The following GPS2 variants were observed in gnomAD, a reference collection of about 807,000 sequenced individuals.
GPS2 encodes GPS-2.
A neutral mutation model predicts 48.1 loss-of-function variants in GPS2; 22 were observed. The ratio of observed to expected loss-of-function variants is 0.46; its 90% CI spans 0.33 to 0.65. GPS2 has a LOEUF of 0.65. Among genes scored for constraint, GPS2 ranks in the 30% least tolerant of loss-of-function variants. GPS2 has a pLI of 0.03. For synonymous variants in GPS2, 202 were observed against 142.5 expected (o/e 1.42, Z -2.98); for missense variants, 366 against 406.8 (o/e 0.90, Z 0.86).
At chr17:7,315,175 C>T in intron 1 of GPS2, 56 bp from the exon 2 acceptor site, 1 of 525,184 alleles carries the variant, frequency 1.9e-6, no homozygotes, top group Non-Finnish European at 3.0e-6. Context: ...GGAAGCCCGT[C>T]CGCCCGGCCC....
intron 1 of GPS2, 29 bp from the exon 2 acceptor site, chr17:7,315,148 C>T: frequency 1.2e-6 from 1 of 858,568 alleles, no homozygotes; most frequent in Non-Finnish European, 1.6e-6. Flanking sequence ...TCAGAGGGGG[C>T]CGCGCCCGGC....
chr17:7,315,112 G>C lies in GPS2; in HGVS notation c.-60C>G, dbSNP rs2072920721. On this transcript the variant is annotated 5_prime_UTR_variant, in exon 2 of 11. Transcript: ENST00000380728. Reference sequence around the variant, plus strand: ...GGCTGTCTCTGACTGCCAGACCTCAGACGGGGCCTGCGGGGAGGCGGGCGC... The same window carrying C: ...GGCTGTCTCTGACTGCCAGACCTCACACGGGGCCTGCGGGGAGGCGGGCGC... 3 of 1,364,074 alleles carry C rather than the reference G, an allele frequency of 2.2e-6. No individual in the cohort carries two copies. The African/African-American group carries it at 4.5e-5, about 21-fold the overall frequency. The allele number at this position is 1,364,074 out of a possible 1,614,324, so 84.5% of individuals were successfully genotyped here. A position where few individuals can be genotyped will look rare whatever the true frequency, so the allele number is the denominator to read the frequency against.
intron 10 of GPS2, 80 bp downstream of exon 10, chr17:7,312,949 G>T: frequency 6.9e-7 from 1 of 1,458,992 alleles, no homozygotes. Flanking sequence ...GATGATGTGG[G>T]CCACCTGTCC....
rs1275491734 is a variant in GPS2 at position 7,312,899 on chromosome 17, A to AC, written c.901-61dup. ...GGGCATACTCTCCCTTCCACTTAAT[A>AC]CCCTACTGATAACCACCCCCAAAGA... On this transcript the variant is annotated intron_variant, in intron 10 of 10. Coordinates refer to ENST00000380728, the MANE Select transcript of GPS2 (RefSeq NM_004489.5). 5.2e-6 allele frequency: 8 copies of AC among 1,526,020 alleles called. No individual in the cohort carries two copies. In the East Asian group the frequency reaches 1.8e-4, roughly 34 times the overall value. 94.5% of individuals were successfully genotyped at this position (1,526,020 alleles called of 1,614,324 possible). A position where few individuals can be genotyped will look rare whatever the true frequency, so the allele number is the denominator to read the frequency against.
chr17:7,314,809 C>T (rs1481830688), intron 2 of GPS2, 150 bp downstream of exon 2: 35 of 1,278,644 alleles, frequency 2.7e-5, no homozygotes, highest in Admixed American at 3.6e-5. Context: ...GAGCGTGGAA[C>T]AGGACGCTTA....
In GPS2 at chr17:7,312,840, C is replaced by A; in HGVS notation, c.901-1G>T. ...GTTGGCTGGTAGCTGCAAAGCCCGA[C>A]TGGTGGTGGTGATGAAAAGAGGGCT... On this transcript the variant is annotated splice_acceptor_variant, in intron 10 of 10. Transcript: ENST00000380728. LOFTEE classifies it high-confidence loss of function. The A allele has an allele frequency of 6.2e-7, 1 of 1,613,580 alleles. No individual in the cohort carries two copies. Among genetic ancestry groups the A allele is most frequent in the Non-Finnish European group, 8.5e-7 (1 of 1,179,588 alleles).
rs1371039040 is a variant in GPS2 at position 7,312,777 on chromosome 17, G to T, written c.963C>A (p.Asn321Lys). 1 of 1,614,006 alleles carries T rather than the reference G, an allele frequency of 6.2e-7. No homozygotes were observed. The highest frequency in any genetic ancestry group is 1.1e-5 in the South Asian group (1 of 91,086). The change falls in exon 11 of 11, where the codon AAC (asparagine) becomes AAA (lysine). Residue 321 changes from asparagine to lysine, a missense_variant. By Grantham distance (94) the Asn-to-Lys change is moderately conservative. Coordinates refer to ENST00000380728, the MANE Select transcript of GPS2 (RefSeq NM_004489.5). ...ATGGTCACTTGTGGTAGAATCGCGG[G>T]TTCTGGCTGTGTTGGATGAAGGGGA... ...PRLPFIQHSQ[N>K]PRFYHK is the part of the protein sequence containing the mutation.
At chr17:7,314,676 C>T in intron 2 of GPS2, 79 bp from the exon 3 acceptor site, 1 of 1,603,248 alleles carries the variant, frequency 6.2e-7, no homozygotes, top group South Asian at 1.1e-5. Context: ...CCAGCAAAAC[C>T]CAGTCATCCC....
At position 7,313,193 on chromosome 17, in the gene GPS2, C is replaced by T. The variant is rs747581834; in HGVS notation, c.804+19G>A. ...CTTAACATATCCCTAACCCTGACCT[C>T]CCAAGGTGCCATACTCACTGAGTCG... On this transcript the variant is annotated intron_variant, in intron 9 of 10. Coordinates refer to ENST00000380728, the MANE Select transcript of GPS2 (RefSeq NM_004489.5). 6.2e-7 allele frequency: 1 copy of T among 1,613,048 alleles called. No homozygotes were observed. Among genetic ancestry groups the T allele is most frequent in the South Asian group, 1.1e-5 (1 of 91,068 alleles).
rs1004186932 is a variant in GPS2 at position 7,315,316 on chromosome 17, G to A, written c.-68+15C>T. 8.4e-5 allele frequency: 32 copies of A among 381,948 alleles called. No individual in the cohort carries two copies. The highest frequency in any genetic ancestry group is 4.3e-4 in the South Asian group (3 of 6,920). 23.7% of individuals were successfully genotyped at this position (381,948 alleles called of 1,614,324 possible). ...CGCTCCCTGCCCAGCCAGCGCGGACGACTGCCCTTCCTACCCGCCTTCTCT... is the reference window on the plus strand; with the variant it reads ...CGCTCCCTGCCCAGCCAGCGCGGACAACTGCCCTTCCTACCCGCCTTCTCT... On this transcript the variant is annotated intron_variant, in intron 1 of 10. Transcript: ENST00000380728.
At position 7,313,551 on chromosome 17, in the gene GPS2, T is replaced by G; in HGVS notation, c.634+17A>C. ...TGACCTTGAGGAAGGCCAAGCCCCA[T>G]CCCTCCTATTACTCACCTCTGAGCT... On this transcript the variant is annotated intron_variant, in intron 7 of 10. Transcript: ENST00000380728. 6.2e-7 allele frequency: 1 copy of G among 1,613,374 alleles called. No homozygotes were observed. The highest frequency in any genetic ancestry group is 8.5e-7 in the Non-Finnish European group (1 of 1,179,480).
In GPS2 at chr17:7,313,617, AG is replaced by A; in HGVS notation, c.584del (p.Pro195LeufsTer150). The A allele has an allele frequency of 6.2e-7, 1 of 1,613,900 alleles. No homozygotes were observed. Among genetic ancestry groups the A allele is most frequent in the Non-Finnish European group, 8.5e-7 (1 of 1,179,980 alleles). ...AAGCTGGCTGTGTGGGCCCATAGTG[AG>A]GTGGGGGCTGAGCAGTCCCATAGGC... ...GGAYGTAQPPPHYGPTQPAYS... is the reference protein window; with the variant it reads ...GGAYGTAQPPXHYGPTQPAYS... On this transcript the variant is annotated frameshift_variant, in exon 7 of 11. Coordinates refer to ENST00000380728, the MANE Select transcript of GPS2 (RefSeq NM_004489.5). LOFTEE classifies it high-confidence loss of function.
At chr17:7,314,843 C>G (rs2072916332) in intron 2 of GPS2, 116 bp downstream of exon 2, 9 of 1,347,270 alleles carry the variant, frequency 6.7e-6, no homozygotes, top group Non-Finnish European at 9.3e-6. Flanking sequence ...CGGGGCTATT[C>G]CTTCCCTCCT....
chr17:7,313,996 G>C lies in GPS2; in HGVS notation c.398-8C>G, dbSNP rs374150941. On this transcript the variant is annotated splice_polypyrimidine_tract_variant and splice_region_variant and intron_variant, in intron 5 of 10. Transcript: ENST00000380728. ...TGTGTCCTCCAGGGCTCCCTAGAAA[G>C]GGAGAAGGGCTTCATGATGCTGAAA... 1 of 1,613,578 alleles carries C rather than the reference G, an allele frequency of 6.2e-7. No homozygotes were observed. Among genetic ancestry groups the C allele is most frequent in the Non-Finnish European group, 8.5e-7 (1 of 1,179,510 alleles).
In GPS2 at chr17:7,314,398, C is replaced by A; in HGVS notation, c.210G>T (p.Leu70=). Residue 70 remains leucine, a synonymous_variant, in exon 4 of 11, where the codon CTG becomes CTT. Coordinates refer to ENST00000380728, the MANE Select transcript of GPS2 (RefSeq NM_004489.5). ...MSLEETKEQI[L]KLEEKLLALQ... ...GAGCCAAAAGCTTCTCCTCCAACTT[C>A]AGAATCTGGGATGGGGTGGGAAAAG... The A allele has an allele frequency of 6.2e-7, 1 of 1,614,178 alleles. No individual in the cohort carries two copies. The highest frequency in any genetic ancestry group is 8.5e-7 in the Non-Finnish European group (1 of 1,180,020).
Position 7,314,472 on chromosome 17 carries a change from T to C in GPS2, c.204+16A>G, listed in dbSNP as rs771904779. The C allele has an allele frequency of 6.2e-7, 1 of 1,614,212 alleles. No individual in the cohort carries two copies. Among genetic ancestry groups the C allele is most frequent in the Non-Finnish European group, 8.5e-7 (1 of 1,180,028 alleles). The stretch of plus-strand genomic sequence containing the variant: ...ACGAAGAAATCAAAGCTGGGAAAGT[T>C]CAAGGGACTGCTTACTTGTTCCTTG... On this transcript the variant is annotated intron_variant, in intron 3 of 10. Coordinates refer to ENST00000380728, the MANE Select transcript of GPS2 (RefSeq NM_004489.5).
rs1187356311 is a variant in GPS2, at chr17:7,314,596, C to T, written c.96G>A (p.Glu32=). 3 of 1,613,978 alleles carry T rather than the reference C, an allele frequency of 1.9e-6. No homozygotes were observed. The highest frequency in any genetic ancestry group is 2.2e-5 in the South Asian group (2 of 91,080). Residue 32 remains glutamate, a splice_region_variant and synonymous_variant, in exon 3 of 11, where the codon GAG becomes GAA. Coordinates refer to ENST00000380728, the MANE Select transcript of GPS2 (RefSeq NM_004489.5). ...CCATCATCTTATCCACCTCTTCTTCCTCTGGAGAATCAGGCAGAATGAAGA... is the reference window on the plus strand; with the variant it reads ...CCATCATCTTATCCACCTCTTCTTCTTCTGGAGAATCAGGCAGAATGAAGA... ...IMMERERKRQ[E]EEEVDKMMEQ...
rs73977635 is a variant in GPS2 at position 7,314,699 on chromosome 17, T to C, written c.95-102A>G. 1,802 of 1,587,276 alleles carry C rather than the reference T, an allele frequency of 1.1e-3. 15 individuals carry two copies. In the African/African-American group the frequency reaches 0.022, roughly 19 times the overall value. ...ACCCAGTCATCCCAACACGCCTGTA[T>C]GCTCTTTGCCTCGAGGGGACAAGCT... On this transcript the variant is annotated intron_variant, in intron 2 of 10. Transcript: ENST00000380728.
chr17:7,313,437 A>T lies in GPS2; in HGVS notation c.667T>A (p.Ser223Thr). 6.2e-7 allele frequency: 1 copy of T among 1,614,128 alleles called. No individual in the cohort carries two copies. Among genetic ancestry groups the T allele is most frequent in the Non-Finnish European group, 8.5e-7 (1 of 1,180,000 alleles). Reference protein sequence around the residue: ...PSAFPAVQYLSQPQPQPYAVH... With the variant: ...PSAFPAVQYLTQPQPQPYAVH... ...GCATAGGGCTGTGGCTGTGGCTGAGATAGGTACTGCACTGCAGGGAATGCC... is the reference window on the plus strand; with the variant it reads ...GCATAGGGCTGTGGCTGTGGCTGAGTTAGGTACTGCACTGCAGGGAATGCC... The change falls in exon 8 of 11, where the codon TCT becomes ACT. Residue 223 changes from serine (S) to threonine (T), a missense_variant. Around this residue, in one of 3 missense-constraint regions of GPS2, gnomAD observed 275 missense variants for 282.3 expected, o/e 0.97. Transcript: ENST00000380728.
Sources: allele counts gnomAD v4.1 joint callset, GRCh38; gene constraint gnomAD v4.1.1; regional missense constraint gnomAD v4.1.1; transcripts MANE v1.5; gene names NCBI Gene and HGNC (gene_info 2026-07-23, HGNC 2026-07-21).